Variants in MYPN observed in about 807,000 individuals in gnomAD.
The protein encoded by MYPN is myopalladin.
MYPN carries 63 observed loss-of-function variants against 129.4 expected under a neutral mutation model. The ratio of observed to expected loss-of-function variants is 0.49; its 90% CI spans 0.40 to 0.60. The LOEUF is 0.60. Among genes scored for constraint, MYPN ranks in the 20% least tolerant of loss-of-function variants. MYPN has a pLI of 0.00. For missense variants in MYPN, 1,596 were observed against 1,635.4 expected (o/e 0.98, Z 0.42); for synonymous variants, 629 against 600.9 (o/e 1.05, Z -0.68).
chr10:68,173,673 C>T (rs12569462), intron 10 of MYPN, among the ~76,000 whole-genome samples: 35,731 of 151,130 alleles, frequency 0.24, 5,119 homozygotes, highest in East Asian at 0.69. Flanking sequence ...AAGATCAGGA[C>T]TCACTGCAAT....
chr10:68,210,170 T>C, intron 19 of MYPN, 116 bp from the exon 20 acceptor site: 2 of 1,182,512 alleles, frequency 1.7e-6, no homozygotes, highest in Non-Finnish European at 1.2e-6. Flanking sequence ...GGTATAGTTA[T>C]ATGCTTTACC....
In MYPN at chr10:68,168,991, TAAAAAAAAAAAAAAA is replaced by T. The variant is rs71009012; in HGVS notation, c.1973+2340_1973+2354del. Among the ~76,000 whole-genome samples, 422 of 80,340 alleles carry T rather than the reference TAAAAAAAAAAAAAAA, an allele frequency of 5.3e-3. 5 individuals are homozygous for T. The highest frequency in any genetic ancestry group is 0.023 in the African/African-American group (371 of 16,096). 52.7% of individuals were successfully genotyped at this position (80,340 alleles called of 152,430 possible). Reference sequence around the variant, plus strand: ...TGGGCGACAGAATGAGATTATTTCTTAAAAAAAAAAAAAAAAAAAAAAAAAAAAAGACCTGTTTCA... The same window carrying T: ...TGGGCGACAGAATGAGATTATTTCTTAAAAAAAAAAAAAAGACCTGTTTCA... On this transcript the variant is annotated intron_variant, in intron 10 of 19. Coordinates refer to ENST00000358913, the MANE Select transcript of MYPN (RefSeq NM_032578.4).
chr10:68,181,035 A>T (rs2043305816), intron 12 of MYPN, among the ~76,000 whole-genome samples: 1 of 152,124 alleles, frequency 6.6e-6, no homozygotes, highest in Non-Finnish European at 1.5e-5. Flanking sequence ...CCTAGAGAGG[A>T]TGGGTCATTT....
chr10:68,169,378 A>AT (rs1491409124), intron 10 of MYPN, among the ~76,000 whole-genome samples: 2 of 128,216 alleles, frequency 1.6e-5, no homozygotes, highest in Non-Finnish European at 3.1e-5. Flanking sequence ...AAAAAAAAAA[A>AT]GAAGTGACTT....
intron 2 of MYPN, among the ~76,000 whole-genome samples, chr10:68,132,667 C>T (rs2042428385): frequency 6.6e-6 from 1 of 151,962 alleles, no homozygotes; most frequent in Admixed American, 6.6e-5. Context: ...ACAAAAATCC[C>T]CTAAAGGAAA....
chr10:68,203,804 G>A (rs2043764116), intron 18 of MYPN, among the ~76,000 whole-genome samples: 1 of 151,814 alleles, frequency 6.6e-6, no homozygotes, highest in Non-Finnish European at 1.5e-5. Context: ...ATCATAAATT[G>A]AGGAGCATGT....
chr10:68,094,573 C>G (rs1046904306), intron 1 of MYPN, among the ~76,000 whole-genome samples: 6 of 152,018 alleles, frequency 3.9e-5, no homozygotes, highest in Non-Finnish European at 8.8e-5. Context: ...TGGTCTCAGC[C>G]TTATTTTACC....
chr10:68,149,966 T>C, intron 5 of MYPN, 74 bp from the exon 6 acceptor site: 3 of 1,361,410 alleles, frequency 2.2e-6, no homozygotes, highest in South Asian at 1.2e-5. Flanking sequence ...CCAAATTCTA[T>C]AGGTTTGTTA....
chr10:68,140,053 C>A (rs141539085), intron 2 of MYPN, among the ~76,000 whole-genome samples: 2 of 152,228 alleles, frequency 1.3e-5, no homozygotes, highest in East Asian at 3.9e-4. Flanking sequence ...CAGGGAGGGC[C>A]TCTCTGAGAA....
intron 2 of MYPN, among the ~76,000 whole-genome samples, chr10:68,126,108 C>T (rs372014470): frequency 2.6e-5 from 4 of 152,082 alleles, no homozygotes; most frequent in Non-Finnish European, 2.9e-5. Flanking sequence ...GCAAAGCTCC[C>T]GAGGCAAGTG....
chr10:68,194,922 T>G (rs1356925256), intron 14 of MYPN, among the ~76,000 whole-genome samples: 1 of 152,236 alleles, frequency 6.6e-6, no homozygotes, highest in Non-Finnish European at 1.5e-5. Flanking sequence ...CTCAAACTCA[T>G]AGTGTCCACA....
At chr10:68,206,939 A>C in intron 19 of MYPN, 36 bp downstream of exon 19, 1 of 1,613,688 alleles carries the variant, frequency 6.2e-7, no homozygotes, top group Non-Finnish European at 8.5e-7. Context: ...ATCTGTATGC[A>C]ACTGACAGCT....
At chr10:68,143,231 G>C in intron 3 of MYPN, 116 bp downstream of exon 3, 24 of 969,510 alleles carry the variant, frequency 2.5e-5, no homozygotes, top group Non-Finnish European at 3.5e-5. Context: ...TGAGGATACA[G>C]CAGTGAACCG....
At chr10:68,093,749 T>C (rs572028754) in intron 1 of MYPN, among the ~76,000 whole-genome samples, 45 of 148,838 alleles carry the variant, frequency 3.0e-4, no homozygotes, top group African/African-American at 9.5e-4. Context: ...AGAGCGAGAC[T>C]CCGTCTCAAA....
intron 19 of MYPN, among the ~76,000 whole-genome samples, chr10:68,209,306 G>A (rs2043867159): frequency 6.6e-6 from 1 of 152,182 alleles, no homozygotes; most frequent in South Asian, 2.1e-4. Flanking sequence ...GCTAAAAACA[G>A]CAGCACTTGG....
chr10:68,130,289 G>A (rs779319362), intron 2 of MYPN, among the ~76,000 whole-genome samples: 4 of 151,996 alleles, frequency 2.6e-5, no homozygotes, highest in African/African-American at 7.2e-5. Flanking sequence ...GTGAAAACCC[G>A]TCTCTACTAA....
chr10:68,107,434 A>G (rs916807311), upstream of MYPN, among the ~76,000 whole-genome samples: 12 of 145,196 alleles, frequency 8.3e-5, no homozygotes, highest in Admixed American at 5.1e-4. Flanking sequence ...TCTGCCTCCC[A>G]GGTTCAAGAG....
intron 11 of MYPN, among the ~76,000 whole-genome samples, chr10:68,175,069 G>C (rs570699163): frequency 8.5e-5 from 13 of 152,128 alleles, no homozygotes; most frequent in African/African-American, 2.7e-4. Flanking sequence ...CCAAGAGGCG[G>C]AGGTTGCAGT....
Position 68,161,722 on chromosome 10 carries a change from C to T in MYPN, c.1460-7C>T. The T allele has an allele frequency of 6.2e-7, 1 of 1,609,840 alleles. No individual in the cohort carries two copies. The highest frequency in any genetic ancestry group is 2.2e-5 in the East Asian group (1 of 44,812). On this transcript the variant is annotated splice_region_variant and splice_polypyrimidine_tract_variant and intron_variant, in intron 7 of 19. Transcript: ENST00000358913. ...TGCTCAGAATCTTTTACTTTCTTTT[C>T]TTTTAGAACCTCGATCCATGGCAGA...
Sources: allele counts gnomAD v4.1 joint callset (sites outside exome capture counted in the v4.1 genomes callset), GRCh38; gene constraint gnomAD v4.1.1; transcripts MANE v1.5; gene names NCBI Gene and HGNC (gene_info 2026-07-23, HGNC 2026-07-21).